Variants in SUZ12 observed in about 807,000 individuals in gnomAD.
SUZ12 encodes polycomb protein SUZ12.
Under a neutral mutation model 87.3 loss-of-function variants are expected in SUZ12, and 17 were observed. That is an observed-to-expected ratio of 0.19 (90% CI 0.13 to 0.29). The LOEUF is 0.29. Ranked by LOEUF, SUZ12 falls within the 10% of genes least tolerant of loss-of-function variation. The pLI, the probability that SUZ12 is intolerant of heterozygous loss-of-function variation, is 1.00. For missense variants in SUZ12, 526 were observed against 912.2 expected (o/e 0.58, Z 5.45); for synonymous variants, 253 against 312.4 (o/e 0.81, Z 2.01).
At chr17:31,989,765 A>ATTTTTTTT (rs568524946) in intron 10 of SUZ12, among the ~76,000 whole-genome samples, 7 of 129,860 alleles carry the variant, frequency 5.4e-5, no homozygotes, top group Non-Finnish European at 9.9e-5. Flanking sequence ...CGACCAGCTA[A>ATTTTTTTT]TTTTTTTTTT....
At chr17:31,955,169 A>G (rs1363560062) in intron 4 of SUZ12, among the ~76,000 whole-genome samples, 1 of 152,124 alleles carries the variant, frequency 6.6e-6, no homozygotes, top group Non-Finnish European at 1.5e-5. Context: ...TGGTGTGATC[A>G]TGGCTCAACT....
chr17:31,962,998 T>C lies in SUZ12; in HGVS notation c.456-3149T>C, dbSNP rs527810184. Reference sequence around the variant, plus strand: ...TTTTGGGTTTTAGCTAATTCTGCTATGTAAGGTAGTATTTATGGAACTTCT... The same window carrying C: ...TTTTGGGTTTTAGCTAATTCTGCTACGTAAGGTAGTATTTATGGAACTTCT... On this transcript the variant is annotated intron_variant, in intron 4 of 15. Coordinates refer to ENST00000322652, the MANE Select transcript of SUZ12 (RefSeq NM_015355.4). Among the ~76,000 whole-genome samples, 4 of 152,382 alleles carry C rather than the reference T, an allele frequency of 2.6e-5. 1 individual carries two copies. Among genetic ancestry groups the C allele is most frequent in the African/African-American group, 7.2e-5 (3 of 41,598 alleles).
chr17:32,000,466 T>C lies in SUZ12; in HGVS notation c.*1463T>C. ...TTAAGTTCTTAGTCATTGATTTTTGTGTTTAAAAAAAAATAGGAAAGAGGG... is the reference window on the plus strand; with the variant it reads ...TTAAGTTCTTAGTCATTGATTTTTGCGTTTAAAAAAAAATAGGAAAGAGGG... On this transcript the variant is annotated 3_prime_UTR_variant, in exon 16 of 16. Transcript: ENST00000322652. The C allele has an allele frequency of 4.3e-6, 1 of 232,484 alleles. No individual in the cohort carries two copies. Among genetic ancestry groups the C allele is most frequent in the Non-Finnish European group, 8.5e-6 (1 of 117,684 alleles). 14.4% of individuals were successfully genotyped at this position (232,484 alleles called of 1,614,324 possible). A position where few individuals can be genotyped will look rare whatever the true frequency, so the allele number is the denominator to read the frequency against.
chr17:31,999,192 ACTTT>A lies in SUZ12; in HGVS notation c.*190_*193del. ...CATTATGCAGCATTACATGTATATC[ACTTT>A]TATTGATGTCATTAAAACATTCTGT... On this transcript the variant is annotated 3_prime_UTR_variant, in exon 16 of 16. Coordinates refer to ENST00000322652, the MANE Select transcript of SUZ12 (RefSeq NM_015355.4). 1 of 423,606 alleles carries A rather than the reference ACTTT, an allele frequency of 2.4e-6. No homozygotes were observed. Among genetic ancestry groups the A allele is most frequent in the South Asian group, 6.9e-5 (1 of 14,504 alleles). The allele number at this position is 423,606 out of a possible 1,614,324, so 26.2% of individuals were successfully genotyped here. A position where few individuals can be genotyped will look rare whatever the true frequency, so the allele number is the denominator to read the frequency against.
At chr17:31,969,143 T>G (rs568858658) in intron 5 of SUZ12, among the ~76,000 whole-genome samples, 128 of 151,890 alleles carry the variant, frequency 8.4e-4, no homozygotes, top group African/African-American at 3.0e-3. Context: ...CACAAGCTAA[T>G]TTTTTTTCTT....
At chr17:31,977,223 C>A (rs1401750965) in intron 8 of SUZ12, among the ~76,000 whole-genome samples, 3 of 150,676 alleles carry the variant, frequency 2.0e-5, no homozygotes, top group Non-Finnish European at 2.9e-5. Context: ...CAGCAATGAG[C>A]TATGATCATG....
chr17:31,948,134 A>G (rs1017846651), intron 4 of SUZ12, among the ~76,000 whole-genome samples: 1 of 152,124 alleles, frequency 6.6e-6, no homozygotes, highest in African/African-American at 2.4e-5. Flanking sequence ...TAAATCTATC[A>G]GGCAACATAT....
chr17:31,991,584 G>GT (rs1309839675), intron 10 of SUZ12, among the ~76,000 whole-genome samples: 1 of 151,894 alleles, frequency 6.6e-6, no homozygotes, highest in African/African-American at 2.4e-5. Context: ...AGAATCATTT[G>GT]TCACTATCTT....
intron 15 of SUZ12, among the ~76,000 whole-genome samples, chr17:31,997,687 A>G (rs1262692012): frequency 2.0e-5 from 3 of 149,016 alleles, no homozygotes; most frequent in African/African-American, 7.5e-5. Context: ...AAAAAAAAAA[A>G]GGCCACCTTG....
At chr17:31,948,008 C>T (rs1292374432) in intron 4 of SUZ12, among the ~76,000 whole-genome samples, 1 of 152,088 alleles carries the variant, frequency 6.6e-6, no homozygotes, top group African/African-American at 2.4e-5. Flanking sequence ...GGGATACTCA[C>T]ATTTATAGTA....
chr17:31,993,424 AT>A, intron 11 of SUZ12, 91 bp downstream of exon 11: 1 of 818,156 alleles, frequency 1.2e-6, no homozygotes, highest in Non-Finnish European at 1.9e-6. Flanking sequence ...TTTTTATTTT[AT>A]TTATTTATTT....
intron 1 of SUZ12, 115 bp downstream of exon 1, chr17:31,937,635 A>G: frequency 7.3e-7 from 1 of 1,365,342 alleles, no homozygotes; most frequent in Non-Finnish European, 9.8e-7. Context: ...TAGTGGAGGG[A>G]GGAATTGAGG....
chr17:31,948,784 A>G (rs1452515226), intron 4 of SUZ12, among the ~76,000 whole-genome samples: 1 of 152,216 alleles, frequency 6.6e-6, no homozygotes, highest in Non-Finnish European at 1.5e-5. Flanking sequence ...GTGATAGTCC[A>G]TTCTAGAAGC....
intron 5 of SUZ12, among the ~76,000 whole-genome samples, chr17:31,972,451 C>T (rs1473203885): frequency 4.0e-5 from 6 of 151,132 alleles, no homozygotes; most frequent in Non-Finnish European, 8.8e-5. Flanking sequence ...CTCACTCCTT[C>T]GCCCAGACTA....
intron 3 of SUZ12, among the ~76,000 whole-genome samples, chr17:31,945,015 A>T (rs1303688974): frequency 6.7e-6 from 1 of 149,460 alleles, no homozygotes; most frequent in African/African-American, 2.5e-5. Context: ...GTTGCTATGA[A>T]TGTGCCGGTG....
intron 1 of SUZ12, among the ~76,000 whole-genome samples, chr17:31,937,874 G>A (rs1467108149): frequency 7.5e-6 from 1 of 134,030 alleles, no homozygotes; most frequent in African/African-American, 2.9e-5. Context: ...CATGCCTTTC[G>A]GACTCTAGAA....
At chr17:31,951,778 T>C (rs1906999611) in intron 4 of SUZ12, among the ~76,000 whole-genome samples, 1 of 143,676 alleles carries the variant, frequency 7.0e-6, no homozygotes, top group African/African-American at 2.7e-5. Flanking sequence ...GCCCAGCCTT[T>C]TTTTTTTTTT....
chr17:31,998,355 A>AAATATTTTATGCTTTTG (rs1910093293), intron 15 of SUZ12, among the ~76,000 whole-genome samples: 2 of 152,148 alleles, frequency 1.3e-5, no homozygotes, highest in Non-Finnish European at 2.9e-5. Flanking sequence ...CTAGAATTAC[A>AAATATTTTATGCTTTTG]GGCGTAATTA....
At chr17:31,963,944 T>C (rs1156538693) in intron 4 of SUZ12, 3 of 152,310 alleles carry the variant, frequency 2.0e-5, no homozygotes, top group African/African-American at 7.2e-5. Flanking sequence ...ACCGGCCCTC[T>C]GCTTTCTAAC....
Sources: allele counts gnomAD v4.1 joint callset (sites outside exome capture counted in the v4.1 genomes callset), GRCh38; gene constraint gnomAD v4.1.1; transcripts MANE v1.5; gene names NCBI Gene and HGNC (gene_info 2026-07-23, HGNC 2026-07-21).